The following ABCC6 variants were observed in gnomAD, a reference collection of about 807,000 sequenced individuals.
ABCC6 encodes the protein ATP-binding cassette sub-family C member 6.
A neutral mutation model predicts 169.5 loss-of-function variants in ABCC6; 126 were observed. The observed-to-expected ratio is 0.74, with a 90% CI of 0.64 to 0.86. The LOEUF is 0.86. Ranked by LOEUF, ABCC6 falls within the 40% of genes least tolerant of loss-of-function variation. ABCC6 has a pLI of 0.00. For synonymous variants in ABCC6, 752 were observed against 814.7 expected (o/e 0.92, Z 1.31); for missense variants, 1,733 against 1,927.2 (o/e 0.90, Z 1.89).
At chr16:16,157,933 G>C in intron 26 of ABCC6, 124 bp from the exon 27 acceptor site, 1 of 1,065,248 alleles carries the variant, frequency 9.4e-7, no homozygotes, top group Non-Finnish European at 1.3e-6. Flanking sequence ...TGTTTTACAG[G>C]GTTGTTATGG....
At chr16:16,159,342 C>G in intron 26 of ABCC6, 140 bp downstream of exon 26, 1 of 829,960 alleles carries the variant, frequency 1.2e-6, no homozygotes, top group South Asian at 1.5e-5. Flanking sequence ...GTCTGTGACT[C>G]TGACCTATAG....
At chr16:16,182,127 A>G (rs2047494834) in intron 17 of ABCC6, among the ~76,000 whole-genome samples, 1 of 152,152 alleles carries the variant, frequency 6.6e-6, no homozygotes, top group African/African-American at 2.4e-5. Flanking sequence ...AGGGCAGAGT[A>G]AGACAGGAGT....
At chr16:16,190,474 G>A (rs750901039) in intron 11 of ABCC6, 107 bp from the exon 12 acceptor site, 32 of 1,252,470 alleles carry the variant, frequency 2.6e-5, no homozygotes, top group East Asian at 9.8e-5. Flanking sequence ...ACCAAACTGC[G>A]TCCCAAACCT....
At chr16:16,210,930 CA>C (rs1052882303) in intron 6 of ABCC6, among the ~76,000 whole-genome samples, 1 of 151,934 alleles carries the variant, frequency 6.6e-6, no homozygotes, top group South Asian at 2.1e-4. Context: ...CCGGTCTCTA[CA>C]AAAAACTACA....
intron 6 of ABCC6, among the ~76,000 whole-genome samples, chr16:16,209,897 A>AT (rs979091234): frequency 1.3e-4 from 20 of 152,070 alleles, no homozygotes; most frequent in East Asian, 3.9e-4. Context: ...CACCTGGCTA[A>AT]TTTTTTTGTT....
At chr16:16,168,046 C>T (rs1321726368) in intron 22 of ABCC6, among the ~76,000 whole-genome samples, 1 of 152,182 alleles carries the variant, frequency 6.6e-6, no homozygotes, top group East Asian at 1.9e-4. Flanking sequence ...AGTAGGTGTA[C>T]AGGTTCTTAG....
chr16:16,197,045 A>C (rs111336234), intron 10 of ABCC6, among the ~76,000 whole-genome samples: 1 of 152,266 alleles, frequency 6.6e-6, no homozygotes, highest in Non-Finnish European at 1.5e-5. Context: ...ACGTTAAAGG[A>C]ATGAAGTTGG....
chr16:16,175,183 G>A (rs1596640049), intron 20 of ABCC6, among the ~76,000 whole-genome samples: 2 of 152,318 alleles, frequency 1.3e-5, no homozygotes, highest in African/African-American at 2.4e-5. Flanking sequence ...GTGTGTGTGT[G>A]ATTGAGAAGT....
intron 10 of ABCC6, among the ~76,000 whole-genome samples, chr16:16,193,951 G>C (rs1450049430): frequency 3.3e-5 from 5 of 152,184 alleles, no homozygotes; most frequent in Admixed American, 1.3e-4. Context: ...GTCAGGAGAT[G>C]CCTGCTGAAG....
chr16:16,161,107 A>G (rs1301617984), intron 25 of ABCC6, among the ~76,000 whole-genome samples: 1 of 152,236 alleles, frequency 6.6e-6, no homozygotes, highest in African/African-American at 2.4e-5. Flanking sequence ...TCTGTCTTCA[A>G]AACAAAACAA....
intron 22 of ABCC6, among the ~76,000 whole-genome samples, chr16:16,169,030 G>A (rs761619688): frequency 2.6e-5 from 4 of 152,134 alleles, no homozygotes; most frequent in Non-Finnish European, 4.4e-5. Flanking sequence ...GCAGTGAGCC[G>A]AGACGGCAGC....
chr16:16,210,716 AC>A (rs1430623675), intron 6 of ABCC6, among the ~76,000 whole-genome samples: 1 of 152,038 alleles, frequency 6.6e-6, no homozygotes, highest in African/African-American at 2.4e-5. Context: ...CAGGGGCTGG[AC>A]CCCCCAGTAG....
intron 27 of ABCC6, 139 bp downstream of exon 27, chr16:16,157,524 A>T: frequency 9.1e-7 from 1 of 1,100,440 alleles, no homozygotes; most frequent in Non-Finnish European, 1.3e-6. Flanking sequence ...AGTTCATTTT[A>T]GGGGGTAATG....
rs1177344023 is a variant in ABCC6, at chr16:16,173,275, G to T, written c.2787+9C>A. 6.2e-7 allele frequency: 1 copy of T among 1,613,576 alleles called. No homozygotes were observed. The highest frequency in any genetic ancestry group is 1.1e-5 in the South Asian group (1 of 91,042). The stretch of plus-strand genomic sequence containing the variant: ...TGGGTGGGGAGGGGTGGGTGAAGCT[G>T]GTGGTTACCCTGCCGTATTGGATGC... On this transcript the variant is annotated intron_variant, in intron 21 of 30. Coordinates refer to ENST00000205557, the MANE Select transcript of ABCC6 (RefSeq NM_001171.6).
intron 6 of ABCC6, among the ~76,000 whole-genome samples, chr16:16,211,839 T>A (rs2048633483): frequency 6.6e-6 from 1 of 152,048 alleles, no homozygotes. Context: ...TGGAGACAAT[T>A]CTAATTACTA....
chr16:16,190,841 T>G (rs1158424788), intron 11 of ABCC6, among the ~76,000 whole-genome samples: 2 of 142,698 alleles, frequency 1.4e-5, no homozygotes, highest in Non-Finnish European at 3.0e-5. Context: ...GACCAGGAAG[T>G]GCGTGCTGAG....
Position 16,159,559 on chromosome 16 carries a change from CA to C in ABCC6, c.3657del (p.Val1220PhefsTer7). On this transcript the variant is annotated frameshift_variant, in exon 26 of 31. Coordinates refer to ENST00000205557, the MANE Select transcript of ABCC6 (RefSeq NM_001171.6). LOFTEE classifies it high-confidence loss of function. ...ALQVTQTLQWVVRNWTDLENS... is the reference protein window; with the variant it reads ...ALQVTQTLQWXVRNWTDLENS... ...TTCTCTAGGTCTGTCCAGTTGCGAA[CA>C]ACCCACTGCAGTGTCTGGGTCACCT... 1 of 1,614,166 alleles carries C rather than the reference CA, an allele frequency of 6.2e-7. No individual in the cohort carries two copies. The highest frequency in any genetic ancestry group is 2.2e-5 in the East Asian group (1 of 44,872).
At chr16:16,199,973 C>G (rs1302344803) in intron 9 of ABCC6, among the ~76,000 whole-genome samples, 1 of 151,796 alleles carries the variant, frequency 6.6e-6, no homozygotes, top group Non-Finnish European at 1.5e-5. Flanking sequence ...GAGGGTGAGG[C>G]AGGACAATTG....
intron 21 of ABCC6, 40 bp downstream of exon 21, chr16:16,173,244 C>G (rs2047168884): frequency 6.2e-7 from 1 of 1,601,206 alleles, no homozygotes; most frequent in African/African-American, 1.4e-5. Flanking sequence ...CTGGAGGTGG[C>G]AGCAGTGGGT....
Sources: gnomAD v4.1 joint callset for allele counts (sites outside exome capture counted in the v4.1 genomes callset) on GRCh38, gnomAD v4.1.1 for gene constraint, MANE v1.5 for transcripts, NCBI Gene and HGNC (gene_info 2026-07-23, HGNC 2026-07-21) for gene names.